The following PDE1A variants were observed in gnomAD, a reference collection of about 807,000 sequenced individuals.
PDE1A encodes the protein dual specificity calcium/calmodulin-dependent 3',5'-cyclic nucleotide phosphodiesterase 1A.
In PDE1A, 35 loss-of-function variants were observed where a neutral mutation model predicts 61.7. The observed-to-expected ratio is 0.57, with a 90% confidence interval of 0.43 to 0.75. The LOEUF (loss-of-function observed/expected upper bound fraction) is 0.75. Among genes scored for constraint, PDE1A ranks in the 30% least tolerant of loss-of-function variants. The pLI, the probability that PDE1A is intolerant of heterozygous loss-of-function variation, is 0.00. For missense variants in PDE1A, 597 were observed against 630.6 expected (o/e 0.95, Z 0.57); for synonymous variants, 232 against 213.2 (o/e 1.09, Z -0.77).
At chr2:182,309,853 T>C (rs1311680259) in intron 1 of PDE1A, among the ~76,000 whole-genome samples, 1 of 151,908 alleles carries the variant, frequency 6.6e-6, no homozygotes, top group Non-Finnish European at 1.5e-5. Flanking sequence ...TCAAGTATGG[T>C]GGAAAAGTTG....
At chr2:182,470,613 C>T (rs1686964860) in intron 2 of PDE1A, among the ~76,000 whole-genome samples, 1 of 151,730 alleles carries the variant, frequency 6.6e-6, no homozygotes, top group Non-Finnish European at 1.5e-5. Context: ...AGTGGAGGGG[C>T]CTCCACTACT....
chr2:182,381,472 G>C (rs1227251676), intron 1 of PDE1A, among the ~76,000 whole-genome samples: 1 of 152,152 alleles, frequency 6.6e-6, no homozygotes, highest in Non-Finnish European at 1.5e-5. Flanking sequence ...TTTGTTGAAT[G>C]TATCAGTGTA....
At chr2:182,349,722 T>C (rs1248429172) in intron 1 of PDE1A, among the ~76,000 whole-genome samples, 1 of 152,064 alleles carries the variant, frequency 6.6e-6, no homozygotes, top group Non-Finnish European at 1.5e-5. Flanking sequence ...ATTGCACCAC[T>C]GCACTCCAGC....
At position 182,317,605 on chromosome 2, in the gene PDE1A, G is replaced by T. The variant is rs113730182; in HGVS notation, c.54-53191C>A. ...AAGGAAAAGCAGAGGCATACATAGT[G>T]ATGTGTCCGAAAGCCTGAAGGTATG... On this transcript the variant is annotated intron_variant, in intron 1 of 13. Coordinates refer to ENST00000351439, the Ensembl canonical transcript of PDE1A. Among the ~76,000 whole-genome samples, 1,399 of 152,016 alleles carry T rather than the reference G, an allele frequency of 9.2e-3. 21 individuals are homozygous for T. Among genetic ancestry groups the T allele is most frequent in the South Asian group, 0.067 (325 of 4,830 alleles).
At chr2:182,606,960 G>C in the PDE1A span, among the ~76,000 whole-genome samples, 1 of 152,192 alleles carries the variant, frequency 6.6e-6, no homozygotes, top group African/African-American at 2.4e-5. Context: ...AGGTGCTGCC[G>C]CTGAGGAGAT....
chr2:182,206,154 AC>A, intron 7 of PDE1A, 89 bp from the exon 8 acceptor site: 3 of 942,688 alleles, frequency 3.2e-6, no homozygotes, highest in Non-Finnish European at 4.7e-6. Context: ...AAGTCATGTG[AC>A]CAGAAAACAT....
At chr2:182,265,512 G>A (rs1371170072) in intron 1 of PDE1A, among the ~76,000 whole-genome samples, 1 of 152,022 alleles carries the variant, frequency 6.6e-6, no homozygotes, top group Non-Finnish European at 1.5e-5. Flanking sequence ...GAGTCCTTAG[G>A]ATGATGTGTC....
chr2:182,700,872 A>G, the PDE1A span, among the ~76,000 whole-genome samples: 1 of 151,744 alleles, frequency 6.6e-6, no homozygotes. Flanking sequence ...AGCTGAGACC[A>G]CACCACTGCA....
intron 1 of PDE1A, among the ~76,000 whole-genome samples, chr2:182,311,256 C>T (rs1324752989): frequency 6.6e-6 from 1 of 152,198 alleles, no homozygotes; most frequent in African/African-American, 2.4e-5. Flanking sequence ...TCCAGAAAAA[C>T]TTTCCTGACC....
chr2:182,536,948 G>A, the PDE1A span, among the ~76,000 whole-genome samples: 3 of 152,178 alleles, frequency 2.0e-5, no homozygotes, highest in African/African-American at 4.8e-5. Context: ...CTAGTCCCCA[G>A]CTTCTTTAGT....
At chr2:182,477,668 T>A (rs1320238794) in intron 2 of PDE1A, among the ~76,000 whole-genome samples, 1 of 151,928 alleles carries the variant, frequency 6.6e-6, no homozygotes, top group South Asian at 2.1e-4. Context: ...TTTAATTTCA[T>A]GCCACAAAAC....
chr2:182,658,432 A>T, the PDE1A span, among the ~76,000 whole-genome samples: 1 of 152,204 alleles, frequency 6.6e-6, no homozygotes, highest in Non-Finnish European at 1.5e-5. Context: ...GCCTACTCCA[A>T]TCTTAACCTC....
At chr2:182,327,035 C>T (rs192428277) in intron 1 of PDE1A, among the ~76,000 whole-genome samples, 28 of 152,326 alleles carry the variant, frequency 1.8e-4, no homozygotes, top group Non-Finnish European at 2.8e-4. Context: ...CACTATCTCT[C>T]ATTCATTCAA....
At chr2:182,360,086 C>T (rs1354555557) in intron 1 of PDE1A, among the ~76,000 whole-genome samples, 1 of 152,018 alleles carries the variant, frequency 6.6e-6, no homozygotes, top group Non-Finnish European at 1.5e-5. Flanking sequence ...TGACTCTGGG[C>T]TCCTTTTCTT....
At chr2:182,477,639 G>A (rs549865571) in intron 2 of PDE1A, among the ~76,000 whole-genome samples, 1 of 151,816 alleles carries the variant, frequency 6.6e-6, no homozygotes, top group Admixed American at 6.6e-5. Flanking sequence ...GTTTGAAACT[G>A]CACACAAATT....
At chr2:182,209,415 A>G (rs891625693) in intron 7 of PDE1A, among the ~76,000 whole-genome samples, 1 of 151,968 alleles carries the variant, frequency 6.6e-6, no homozygotes, top group Non-Finnish European at 1.5e-5. Flanking sequence ...TTACAATTCA[A>G]CATGAGATTT....
the PDE1A span, among the ~76,000 whole-genome samples, chr2:182,704,047 CAAAA>C: frequency 7.0e-6 from 1 of 143,152 alleles, no homozygotes. Flanking sequence ...CTAAAAATTA[CAAAA>C]AAAAAAAAAA....
At chr2:182,371,303 G>C (rs563127362) in intron 1 of PDE1A, among the ~76,000 whole-genome samples, 107 of 152,232 alleles carry the variant, frequency 7.0e-4, no homozygotes, top group African/African-American at 2.4e-3. Context: ...GCCAAATTTT[G>C]TTTTATTAAC....
exon 14 of PDE1A, chr2:182,147,116 A>G: frequency 6.2e-7 from 1 of 1,608,846 alleles, no homozygotes; most frequent in Non-Finnish European, 8.5e-7. Context: ...TTCAGCATTT[A>G]CTAAGTCTTC....
Sources: allele counts gnomAD v4.1 joint callset (sites outside exome capture counted in the v4.1 genomes callset), GRCh38; gene constraint gnomAD v4.1.1; transcripts MANE v1.5; gene names NCBI Gene and HGNC (gene_info 2026-07-23, HGNC 2026-07-21).